LCN15: variants seen among roughly 807,000 people sequenced by gnomAD.
The protein encoded by LCN15 is lipocalin-15.
A neutral mutation model predicts 23.1 loss-of-function variants in LCN15; 26 were observed. The observed-to-expected ratio is 1.13, with a 90% CI of 0.82 to 1.56. The LOEUF is 1.56. LCN15 is among the 40% of genes most tolerant of loss of function. The probability of loss-of-function intolerance (pLI) is 0.00; values close to 1 mark genes in which losing one functional copy is unlikely to be tolerated. For synonymous variants in LCN15, 107 were observed against 98.3 expected (o/e 1.09, Z -0.52); for missense variants, 241 against 239.5 (o/e 1.01, Z -0.04).
At chr9:136,760,568 G>A (rs960368531) in intron 6 of LCN15, among the ~76,000 whole-genome samples, 16 of 152,222 alleles carry the variant, frequency 1.1e-4, no homozygotes, top group African/African-American at 3.9e-4. Flanking sequence ...CGTCAGACAC[G>A]TGACGTGTGG....
At chr9:136,763,274 G>T in intron 4 of LCN15, 83 bp downstream of exon 4, 1 of 735,496 alleles carries the variant, frequency 1.4e-6, no homozygotes, top group Non-Finnish European at 2.1e-6. Flanking sequence ...GCAGGCGGGC[G>T]GGGCGGGGGT....
Position 136,763,756 on chromosome 9 carries a change from G to A in LCN15, c.264C>T (p.Ala88=), listed in dbSNP as rs964653196. ...CCTCGGAGCCCACCTTCAGGTACTC[G>A]GCATCCACCTGGTTACAGCCGTCCG... ...PGADGCNQVD[A]EYLKVGSEGH... is the part of the protein sequence containing the mutation. The change falls in exon 3 of 7, where the codon GCC becomes GCT. Residue 88 remains alanine, a synonymous_variant. Transcript: ENST00000316144. 12 of 1,613,310 alleles carry A rather than the reference G, an allele frequency of 7.4e-6. No individual in the cohort carries two copies. Among genetic ancestry groups the A allele is most frequent in the Admixed American group, 6.7e-5 (4 of 59,982 alleles).
chr9:136,760,323 C>T (rs564125705), intron 6 of LCN15, among the ~76,000 whole-genome samples: 52 of 152,270 alleles, frequency 3.4e-4, no homozygotes, highest in South Asian at 3.1e-3. Flanking sequence ...TGCAGGGAGA[C>T]GTTGGTGCAG....
rs560903078 is a variant in LCN15, at chr9:136,763,732, C to T, written c.288G>A (p.Glu96=). 1.2e-6 allele frequency: 2 copies of T among 1,613,416 alleles called. No individual in the cohort carries two copies. The highest frequency in any genetic ancestry group is 2.2e-5 in the East Asian group (1 of 44,880). ...ACCTACCCGGGACTCTGAAGTGTCC[C>T]TCGGAGCCCACCTTCAGGTACTCGG... ...VDAEYLKVGS[E]GHFRVPALGY... Residue 96 remains glutamate, a synonymous_variant, in exon 3 of 7, where the codon GAG becomes GAA. Transcript: ENST00000316144.
chr9:136,762,886 G>T, intron 4 of LCN15, among the ~76,000 whole-genome samples: 1 of 143,016 alleles, frequency 7.0e-6, no homozygotes, highest in South Asian at 2.2e-4. Context: ...TCGCGCCACT[G>T]CACTCCAGCC....
chr9:136,762,171 G>T lies in LCN15; in HGVS notation c.520+17C>A, dbSNP rs771610959. On this transcript the variant is annotated intron_variant, in intron 5 of 6. Coordinates refer to ENST00000316144, the MANE Select transcript of LCN15 (RefSeq NM_203347.2). Reference sequence around the variant, plus strand: ...AGAGGCTGGGGGGCATGGGGTGGGCGGGGCTTGCCAGGGTACCTGACTGGG... The same window carrying T: ...AGAGGCTGGGGGGCATGGGGTGGGCTGGGCTTGCCAGGGTACCTGACTGGG... 2 of 1,476,274 alleles carry T rather than the reference G, an allele frequency of 1.4e-6. No homozygotes were observed. The highest frequency in any genetic ancestry group is 1.8e-6 in the Non-Finnish European group (2 of 1,089,140). 91.4% of individuals were successfully genotyped at this position (1,476,274 alleles called of 1,614,324 possible). A position where few individuals can be genotyped will look rare whatever the true frequency, so the allele number is the denominator to read the frequency against.
intron 4 of LCN15, among the ~76,000 whole-genome samples, chr9:136,762,965 T>TCAGGCAGC (rs1374144192): frequency 1.0e-4 from 14 of 140,240 alleles, no homozygotes; most frequent in African/African-American, 3.7e-4. Context: ...GCCCCAGAAC[T>TCAGGCAGC]CAGGCAGCGA....
At chr9:136,760,657 G>A (rs1019320264) in intron 6 of LCN15, among the ~76,000 whole-genome samples, 2 of 152,228 alleles carry the variant, frequency 1.3e-5, no homozygotes, top group African/African-American at 2.4e-5. Flanking sequence ...GGGGATCTCC[G>A]CAAGACCCCG....
At position 136,763,946 on chromosome 9, in the gene LCN15, CCTT is replaced by C; in HGVS notation, c.157_159del (p.Lys53del). 1 of 1,613,600 alleles carries C rather than the reference CCTT, an allele frequency of 6.2e-7. No individual in the cohort carries two copies. Among genetic ancestry groups the C allele is most frequent in the Non-Finnish European group, 8.5e-7 (1 of 1,179,982 alleles). The stretch of plus-strand genomic sequence containing the variant: ...GCCCTGGTGGACATGGACAGGTGGT[CCTT>C]CTTGCCCAGGAAGACCCTGCAGTCA... On this transcript the variant is annotated inframe_deletion, in exon 2 of 7. Transcript: ENST00000316144.
At position 136,761,884 on chromosome 9, in the gene LCN15, G is replaced by A; in HGVS notation, c.521-31C>T. The A allele has an allele frequency of 7.5e-7, 1 of 1,329,832 alleles. No individual in the cohort carries two copies. The highest frequency in any genetic ancestry group is 9.6e-7 in the Non-Finnish European group (1 of 1,038,780). 82.4% of individuals were successfully genotyped at this position (1,329,832 alleles called of 1,614,324 possible). The stretch of plus-strand genomic sequence containing the variant: ...GGGAGGAAGACATCCGTGAGATGCT[G>A]ACGGCCAGGACCGCCCTCGCTTCCC... On this transcript the variant is annotated intron_variant, in intron 5 of 6. Coordinates refer to ENST00000316144, the MANE Select transcript of LCN15 (RefSeq NM_203347.2). This position sits in a 1 kb window ranked among gnomAD's most constrained non-coding sequence, Gnocchi z 4.2.
At chr9:136,760,697 C>A (rs778693037) in intron 6 of LCN15, among the ~76,000 whole-genome samples, 5 of 152,246 alleles carry the variant, frequency 3.3e-5, no homozygotes, top group Non-Finnish European at 7.3e-5. Context: ...AGGGGCACTG[C>A]GCGCGAAGGC....
intron 6 of LCN15, among the ~76,000 whole-genome samples, chr9:136,760,122 G>A (rs1338452187): frequency 6.6e-6 from 1 of 152,212 alleles, no homozygotes; most frequent in Non-Finnish European, 1.5e-5. Flanking sequence ...GAAAAGCCCC[G>A]GAATGTCCAT....
rs1350003398 is a variant in LCN15 at position 136,764,395 on chromosome 9, T to C, written c.94A>G (p.Lys32Glu). 1.9e-6 allele frequency: 3 copies of C among 1,612,816 alleles called. No homozygotes were observed. Among genetic ancestry groups the C allele is most frequent in the Non-Finnish European group, 2.5e-6 (3 of 1,179,424 alleles). ...VLLQPDFNAE[K>E]FSGLWYVVSM... Reference sequence around the variant, plus strand: ...AGGACAGCAGAGGCCCCTGGTACCTTTTCAGCATTGAAGTCAGGCTGCAGC... The same window carrying C: ...AGGACAGCAGAGGCCCCTGGTACCTCTTCAGCATTGAAGTCAGGCTGCAGC... The change falls in exon 1 of 7, where the codon AAG becomes GAG. Residue 32 changes from lysine to glutamate, a missense_variant and splice_region_variant. By Grantham distance (56) the Lys-to-Glu change is moderately conservative (BLOSUM62 1). Transcript: ENST00000316144.
intron 1 of LCN15, 81 bp from the exon 2 acceptor site, chr9:136,764,090 G>A (rs927925935): frequency 6.5e-7 from 1 of 1,548,362 alleles, no homozygotes; most frequent in Admixed American, 1.8e-5. Flanking sequence ...GGACAACTCA[G>A]AAGTCACACA....
intron 6 of LCN15, among the ~76,000 whole-genome samples, chr9:136,760,802 G>T (rs1356750307): frequency 1.3e-5 from 2 of 152,256 alleles, no homozygotes; most frequent in East Asian, 3.8e-4. Flanking sequence ...GGGCTGTGTG[G>T]ATACAGCGGG....
intron 1 of LCN15, 138 bp from the exon 2 acceptor site, chr9:136,764,147 G>A (rs1466060454): frequency 4.6e-6 from 5 of 1,098,668 alleles, no homozygotes; most frequent in Admixed American, 4.7e-5. Context: ...GCTGAGCCCA[G>A]GTGGACAGGA....
chr9:136,763,600 C>T, intron 3 of LCN15, 113 bp downstream of exon 3: 1 of 1,295,282 alleles, frequency 7.7e-7, no homozygotes, highest in Non-Finnish European at 1.1e-6. Context: ...GGAGGGCGGG[C>T]AGGGGGCTGG....
intron 4 of LCN15, among the ~76,000 whole-genome samples, chr9:136,762,584 A>T (rs1232244901): frequency 1.3e-5 from 2 of 151,990 alleles, no homozygotes; most frequent in Non-Finnish European, 2.9e-5. Context: ...GTCGGCTCCA[A>T]TCGGGGAGTC....
chr9:136,764,301 C>A, intron 1 of LCN15, 92 bp downstream of exon 1: 1 of 1,282,378 alleles, frequency 7.8e-7, no homozygotes, highest in Non-Finnish European at 1.1e-6. Flanking sequence ...ACAGAGCAAG[C>A]GCCCCAGGAA....
Sources: gnomAD v4.1 joint callset for allele counts (sites outside exome capture counted in the v4.1 genomes callset) on GRCh38, gnomAD v4.1.1 for gene constraint, Gnocchi (gnomAD v3.1) non-coding constraint, MANE v1.5 for transcripts, NCBI Gene and HGNC (gene_info 2026-07-23, HGNC 2026-07-21) for gene names.